DESI1: variants seen among roughly 807,000 people sequenced by gnomAD.
DESI1 encodes the protein PPPDE peptidase domain containing 2.
In DESI1, 17 loss-of-function variants were observed where a neutral mutation model predicts 22.4. The observed-to-expected ratio is 0.76, with a 90% CI of 0.52 to 1.14. DESI1 has a LOEUF of 1.14. Among genes scored for constraint, DESI1 ranks in the 50% most tolerant of loss-of-function variants. DESI1 has a pLI of 0.00. For synonymous variants in DESI1, 92 were observed against 84.2 expected (o/e 1.09, Z -0.51); for missense variants, 177 against 208.9 (o/e 0.85, Z 0.94).
rs755870014 is a variant in DESI1, at chr22:41,600,771, C to T, written c.*326G>A. 19 of 265,472 alleles carry T rather than the reference C, an allele frequency of 7.2e-5. No homozygotes were observed. The highest frequency in any genetic ancestry group is 1.0e-4 in the Admixed American group (2 of 19,770). 16.4% of individuals were successfully genotyped at this position (265,472 alleles called of 1,614,324 possible). On this transcript the variant is annotated 3_prime_UTR_variant, in exon 6 of 6. Transcript: ENST00000263256. ...GGAAAGAGTTCTAGGTTGGGGCTCC[C>T]GCAAACTGTGACTCGCTTTCTGTTT...
intron 1 of DESI1, among the ~76,000 whole-genome samples, chr22:41,609,531 C>G (rs192070321): frequency 2.6e-5 from 4 of 152,328 alleles, no homozygotes; most frequent in African/African-American, 9.6e-5. Context: ...CAGTGGCCCA[C>G]CCCTGTAATC....
rs1034058876 is a variant in DESI1, at chr22:41,618,153, A to G, written c.88+2599T>C. ...TGAGGCGGGCGGATCACTTGAGGTCAGGAGTTCAAGACCAGCCTGGCAAAC... is the reference window on the plus strand; with the variant it reads ...TGAGGCGGGCGGATCACTTGAGGTCGGGAGTTCAAGACCAGCCTGGCAAAC... On this transcript the variant is annotated intron_variant, in intron 1 of 5. Coordinates refer to ENST00000263256, the MANE Select transcript of DESI1 (RefSeq NM_015704.3). 2.0e-5 allele frequency among the ~76,000 whole-genome samples: 3 copies of G among 152,244 alleles called. No individual in the cohort carries two copies. In the East Asian group the frequency reaches 5.8e-4, roughly 29 times the overall value.
intron 3 of DESI1, among the ~76,000 whole-genome samples, chr22:41,604,397 C>T (rs2067467400): frequency 6.6e-6 from 1 of 152,052 alleles, no homozygotes; most frequent in Non-Finnish European, 1.5e-5. Context: ...AGGTGCCTGC[C>T]ACCATGCCCA....
intron 5 of DESI1, among the ~76,000 whole-genome samples, chr22:41,601,409 A>G (rs2067449350): frequency 1.3e-5 from 2 of 152,144 alleles, no homozygotes; most frequent in South Asian, 4.1e-4. Context: ...CCTGCTCTGT[A>G]TTTTTATTCC....
intron 1 of DESI1, among the ~76,000 whole-genome samples, chr22:41,609,467 GA>G (rs1467620089): frequency 6.6e-6 from 1 of 152,186 alleles, no homozygotes; most frequent in Non-Finnish European, 1.5e-5. Flanking sequence ...CCTCCTTGGG[GA>G]AAAGGGTAAA....
At chr22:41,618,456 TA>T (rs2067563082) in intron 1 of DESI1, among the ~76,000 whole-genome samples, 1 of 152,210 alleles carries the variant, frequency 6.6e-6, no homozygotes, top group Non-Finnish European at 1.5e-5. Flanking sequence ...ACTAATTATT[TA>T]TGTATTTATT....
chr22:41,603,471 C>T, intron 4 of DESI1, 90 bp from the exon 5 acceptor site: 2 of 1,568,886 alleles, frequency 1.3e-6, no homozygotes, highest in Non-Finnish European at 1.7e-6. Context: ...ATGGTGAGCA[C>T]AGCTCAATGT....
intron 4 of DESI1, among the ~76,000 whole-genome samples, 153 bp downstream of exon 4, chr22:41,603,891 C>T (rs2067463420): frequency 6.6e-6 from 1 of 152,190 alleles, no homozygotes. Context: ...CTTTTTGTAG[C>T]ATAACTGCCT....
At chr22:41,602,809 C>G in intron 5 of DESI1, 1 of 1,034,704 alleles carries the variant, frequency 9.7e-7, no homozygotes, top group Non-Finnish European at 1.2e-6. Context: ...GCAAGTAGAA[C>G]ATAGTCGTTG....
chr22:41,617,358 C>T (rs779159792), intron 1 of DESI1, among the ~76,000 whole-genome samples: 6 of 151,974 alleles, frequency 3.9e-5, no homozygotes, highest in Non-Finnish European at 8.8e-5. Context: ...ATAATGCACG[C>T]AAAGTACTCA....
chr22:41,604,145 T>C lies in DESI1; in HGVS notation c.189A>G (p.Thr63=), dbSNP rs748251798. 4 of 1,613,518 alleles carry C rather than the reference T, an allele frequency of 2.5e-6. No homozygotes were observed. The highest frequency in any genetic ancestry group is 1.6e-4 in the Middle Eastern group (1 of 6,062). ...GGISSCPPGG[T]LLGPPDSVVD... ...CCACAGAGTCTGGAGGCCCAAGCAA[T>C]GTCCCTCCCTAAAAGAGCCAACCCA... The change falls in exon 4 of 6, where the codon ACA becomes ACG. Residue 63 remains threonine, a synonymous_variant. Coordinates refer to ENST00000263256, the MANE Select transcript of DESI1 (RefSeq NM_015704.3).
At position 41,618,679 on chromosome 22, in the gene DESI1, G is replaced by A. The variant is rs2067564267; in HGVS notation, c.88+2073C>T. On this transcript the variant is annotated intron_variant, in intron 1 of 5. Transcript: ENST00000263256. ...AAAAATACCCAGTGTAAAGGGGGAG[G>A]TTTTACGTGGGGTATAGGAAATATC... Among the ~76,000 whole-genome samples, 3 of 152,128 alleles carry A rather than the reference G, an allele frequency of 2.0e-5. No homozygotes were observed. In the South Asian group the frequency reaches 6.2e-4, roughly 32 times the overall value.
At position 41,600,794 on chromosome 22, in the gene DESI1, T is replaced by G; in HGVS notation, c.*303A>C. 3.3e-6 allele frequency: 1 copy of G among 300,148 alleles called. No individual in the cohort carries two copies. The highest frequency in any genetic ancestry group is 8.7e-5 in the East Asian group (1 of 11,530). 18.6% of individuals were successfully genotyped at this position (300,148 alleles called of 1,614,324 possible). On this transcript the variant is annotated 3_prime_UTR_variant, in exon 6 of 6. Transcript: ENST00000263256. ...CCCGCAAACTGTGACTCGCTTTCTG[T>G]TTAAACAAAGCCCCTCCCTTTCTCC...
Position 41,607,332 on chromosome 22 carries a change from C to T in DESI1, c.111-1G>A. 6.2e-7 allele frequency: 1 copy of T among 1,610,340 alleles called. No individual in the cohort carries two copies. The highest frequency in any genetic ancestry group is 8.5e-7 in the Non-Finnish European group (1 of 1,178,508). On this transcript the variant is annotated splice_acceptor_variant, in intron 2 of 5. Coordinates refer to ENST00000263256, the MANE Select transcript of DESI1 (RefSeq NM_015704.3). LOFTEE classifies it high-confidence loss of function. ...CTTGTGCACAACTATGGATGTGTGC[C>T]TGTCACACAGAGAGAGACACAGTAA...
At chr22:41,613,502 G>A (rs1188966003) in intron 1 of DESI1, among the ~76,000 whole-genome samples, 1 of 152,182 alleles carries the variant, frequency 6.6e-6, no homozygotes, top group Admixed American at 6.5e-5. Flanking sequence ...CAGTAACCAG[G>A]ACAGTTTCTT....
At chr22:41,608,961 A>G (rs1380019031) in intron 1 of DESI1, among the ~76,000 whole-genome samples, 1 of 152,048 alleles carries the variant, frequency 6.6e-6, no homozygotes, top group Non-Finnish European at 1.5e-5. Flanking sequence ...TCTTTTTTTT[A>G]GAGGCAGAGT....
chr22:41,620,917 G>A lies in DESI1; in HGVS notation c.-78C>T. The A allele has an allele frequency of 1.3e-6, 2 of 1,506,024 alleles. No homozygotes were observed. Among genetic ancestry groups the A allele is most frequent in the Non-Finnish European group, 1.8e-6 (2 of 1,107,028 alleles). 93.3% of individuals were successfully genotyped at this position (1,506,024 alleles called of 1,614,324 possible). ...TTGGACCTTCCCGTACCCGACGGGA[G>A]TGCGAAGCGGAGGGAGAGGGGGGGA... On this transcript the variant is annotated 5_prime_UTR_variant, in exon 1 of 6. Transcript: ENST00000263256.
chr22:41,606,344 AG>A, intron 3 of DESI1, among the ~76,000 whole-genome samples: 1 of 150,516 alleles, frequency 6.6e-6, no homozygotes, highest in African/African-American at 2.5e-5. Context: ...TGACAGAGCA[AG>A]ACCCCGTCTC....
At chr22:41,613,439 C>G (rs1013448988) in intron 1 of DESI1, among the ~76,000 whole-genome samples, 8 of 152,218 alleles carry the variant, frequency 5.3e-5, no homozygotes, top group African/African-American at 1.9e-4. Context: ...TCATAGTACC[C>G]TGGTATTGAA....
Sources: gnomAD v4.1 joint callset for allele counts (sites outside exome capture counted in the v4.1 genomes callset) on GRCh38, gnomAD v4.1.1 for gene constraint, MANE v1.5 for transcripts, NCBI Gene and HGNC (gene_info 2026-07-23, HGNC 2026-07-21) for gene names.